NCOR1: variants seen among roughly 807,000 people sequenced by gnomAD.
NCOR1 encodes protein phosphatase 1, regulatory subunit 109.
In NCOR1, 63 loss-of-function variants were observed where a neutral mutation model predicts 288.1. The observed-to-expected ratio is 0.22, with a 90% CI of 0.18 to 0.27. The LOEUF is 0.27. Among genes scored for constraint, NCOR1 ranks in the 10% least tolerant of loss-of-function variants. NCOR1 has a pLI of 1.00. For missense variants in NCOR1, 2,397 were observed against 3,019.2 expected (o/e 0.79, Z 4.83); for synonymous variants, 1,007 against 1,065.9 (o/e 0.94, Z 1.08).
chr17:16,208,679 T>C (rs2091833651), intron 1 of NCOR1, among the ~76,000 whole-genome samples: 1 of 151,828 alleles, frequency 6.6e-6, no homozygotes, highest in Non-Finnish European at 1.5e-5. Flanking sequence ...AATGAGACCC[T>C]GTTTCTACAA....
In NCOR1 at chr17:16,176,165, G is replaced by T. The variant is rs2084136663; in HGVS notation, c.243-4170C>A. On this transcript the variant is annotated intron_variant, in intron 3 of 45. Transcript: ENST00000268712. ...ACCCAGGAAGCGGAGGTTGCAGTGA[G>T]CCGAGATCGCATCATTGCACTCCAG... is the stretch of plus-strand genomic sequence containing the variant. Among the ~76,000 whole-genome samples, 7 of 152,118 alleles carry T rather than the reference G, an allele frequency of 4.6e-5. No homozygotes were observed. The South Asian group carries it at 1.4e-3, about 32-fold the overall frequency.
chr17:16,196,821 T>C (rs1366721914), intron 1 of NCOR1, among the ~76,000 whole-genome samples: 2 of 92,452 alleles, frequency 2.2e-5, no homozygotes, highest in African/African-American at 8.6e-5. Context: ...CAAGACTCTG[T>C]CTCAAAAAAA....
intron 18 of NCOR1, among the ~76,000 whole-genome samples, chr17:16,115,105 A>T (rs901470774): frequency 2.0e-5 from 3 of 152,122 alleles, no homozygotes; most frequent in African/African-American, 7.2e-5. Flanking sequence ...GCTCAACACC[A>T]TATGGAAGCT....
At chr17:16,202,450 A>G (rs974770474) in intron 1 of NCOR1, among the ~76,000 whole-genome samples, 4 of 152,046 alleles carry the variant, frequency 2.6e-5, no homozygotes, top group Non-Finnish European at 5.9e-5. Flanking sequence ...GTGGATGACT[A>G]CATGCCAATT....
chr17:16,073,300 C>T (rs1409400776), intron 28 of NCOR1, 129 bp downstream of exon 28: 1 of 788,942 alleles, frequency 1.3e-6, no homozygotes, highest in East Asian at 3.0e-5. Context: ...ACAGAAATTG[C>T]ATACAACTTA....
At chr17:16,169,268 A>AAC (rs2082654348) in intron 4 of NCOR1, among the ~76,000 whole-genome samples, 1 of 152,040 alleles carries the variant, frequency 6.6e-6, no homozygotes, top group Admixed American at 6.6e-5. Context: ...AGCAGCAAAA[A>AAC]AACAACAACA....
At chr17:16,181,557 C>T (rs781366696) in intron 3 of NCOR1, among the ~76,000 whole-genome samples, 22 of 152,010 alleles carry the variant, frequency 1.4e-4, no homozygotes, top group Non-Finnish European at 2.5e-4. Context: ...AAAGTTAATA[C>T]AATTGTATTA....
In NCOR1 at chr17:16,110,478, G is replaced by A. The variant is rs143342298; in HGVS notation, c.2056-1566C>T. On this transcript the variant is annotated intron_variant, in intron 18 of 45. Coordinates refer to ENST00000268712, the MANE Select transcript of NCOR1 (RefSeq NM_006311.4). The stretch of plus-strand genomic sequence containing the variant: ...ATTCTTCTACTGGGGTCGCATATAC[G>A]TAAGAGTACATGTGTACACATTTAA... 9.0e-3 allele frequency among the ~76,000 whole-genome samples: 1,368 copies of A among 152,174 alleles called. 24 individuals are homozygous for A. Among genetic ancestry groups the A allele is most frequent in the African/African-American group, 0.031 (1,301 of 41,506 alleles).
At chr17:16,205,937 C>CAA (rs199837579) in intron 1 of NCOR1, among the ~76,000 whole-genome samples, 167 of 67,792 alleles carry the variant, frequency 2.5e-3, no homozygotes, top group African/African-American at 7.5e-3. Flanking sequence ...TACTCCGTCT[C>CAA]AAAAAAAAAA....
chr17:16,087,629 G>A (rs1245676781), intron 22 of NCOR1, among the ~76,000 whole-genome samples: 1 of 152,174 alleles, frequency 6.6e-6, no homozygotes, highest in Non-Finnish European at 1.5e-5. Flanking sequence ...AATCACAACA[G>A]GCAAACATCA....
intron 1 of NCOR1, among the ~76,000 whole-genome samples, chr17:16,204,682 A>T (rs913698949): frequency 6.6e-6 from 1 of 152,256 alleles, no homozygotes; most frequent in Non-Finnish European, 1.5e-5. Context: ...TAGAGCACAA[A>T]ACACAAAAGT....
At chr17:16,129,508 T>TA (rs527472372) in intron 14 of NCOR1, among the ~76,000 whole-genome samples, 124 of 152,354 alleles carry the variant, frequency 8.1e-4, no homozygotes, top group Admixed American at 2.9e-3. Context: ...AGAAAACTGA[T>TA]AAACTAGGGA....
intron 23 of NCOR1, among the ~76,000 whole-genome samples, chr17:16,083,545 C>G (rs918525950): frequency 2.0e-5 from 3 of 150,320 alleles, no homozygotes; most frequent in Admixed American, 1.3e-4. Flanking sequence ...AGATTTAATA[C>G]AATCCCAACA....
At chr17:16,124,990 G>A (rs1275743483) in intron 15 of NCOR1, among the ~76,000 whole-genome samples, 1 of 152,104 alleles carries the variant, frequency 6.6e-6, no homozygotes, top group Non-Finnish European at 1.5e-5. Context: ...TTGCAAATAA[G>A]TTCATTAAGT....
At chr17:16,062,931 G>T (rs2060696016) in intron 35 of NCOR1, among the ~76,000 whole-genome samples, 1 of 152,094 alleles carries the variant, frequency 6.6e-6, no homozygotes, top group Non-Finnish European at 1.5e-5. Flanking sequence ...CTTGGACTTG[G>T]TAAGAACTAC....
chr17:16,091,541 GACA>G, intron 22 of NCOR1: 4 of 1,103,000 alleles, frequency 3.6e-6, no homozygotes, highest in African/African-American at 3.8e-5. Context: ...TCAAGGACAG[GACA>G]ACAATTCTCA....
In NCOR1 at chr17:16,091,888, G is replaced by A; in HGVS notation, c.2991C>T (p.Ser997=). 6.2e-7 allele frequency: 1 copy of A among 1,614,064 alleles called. No homozygotes were observed. Among genetic ancestry groups the A allele is most frequent in the Non-Finnish European group, 8.5e-7 (1 of 1,180,010 alleles). ...CTTCCCACTCTCTGTTTGGACTCTT[G>A]GATGTGCCACATGGACTTGTAGAAC... The part of the protein sequence containing the change: ...CRSSTSPCGT[S]KSPNREWEVL... The change falls in exon 22 of 46, where the codon TCC becomes TCT. Residue 997 remains serine, a synonymous_variant. Transcript: ENST00000268712.
intron 1 of NCOR1, among the ~76,000 whole-genome samples, chr17:16,196,685 C>T (rs1317614785): frequency 6.6e-6 from 1 of 151,764 alleles, no homozygotes; most frequent in African/African-American, 2.4e-5. Context: ...AGTAGCAGGG[C>T]GTGGTGGCGG....
rs533767011 is a variant in NCOR1, at chr17:16,106,383, A to G, written c.2182+2403T>C. On this transcript the variant is annotated intron_variant, in intron 19 of 45. Coordinates refer to ENST00000268712, the MANE Select transcript of NCOR1 (RefSeq NM_006311.4). ...AAGAGTAGGAAGGTTTCCAAGGCAT[A>G]ATGTTTCACCAAGCAGTAGCCAAAC... Among the ~76,000 whole-genome samples the G allele has an allele frequency of 2.6e-5, 4 of 152,306 alleles. No individual in the cohort carries two copies. The East Asian group carries it at 7.7e-4, about 29-fold the overall frequency.
Sources: gnomAD v4.1 joint callset for allele counts (sites outside exome capture counted in the v4.1 genomes callset) on GRCh38, gnomAD v4.1.1 for gene constraint, MANE v1.5 for transcripts, NCBI Gene and HGNC (gene_info 2026-07-23, HGNC 2026-07-21) for gene names.